The following PXN variants were observed in gnomAD, a reference collection of about 807,000 sequenced individuals.
PXN encodes the protein paxillin.
In PXN, 61 loss-of-function variants were observed where a neutral mutation model predicts 103.6. The ratio of observed to expected loss-of-function variants is 0.59; its 90% CI spans 0.48 to 0.73. PXN has a LOEUF of 0.73. Ranked by LOEUF, PXN falls within the 30% of genes least tolerant of loss-of-function variation. PXN has a pLI of 0.00. For synonymous variants in PXN, 562 were observed against 607.8 expected, an observed-to-expected ratio of 0.92 and a Z score of 1.11; for missense variants, 1,274 against 1,460.3, an observed-to-expected ratio of 0.87 and a Z score of 2.08.
chr12:120,216,156 G>C lies in PXN; in HGVS notation c.2301+117C>G, dbSNP rs1430111788. 42 of 1,267,410 alleles carry C rather than the reference G, an allele frequency of 3.3e-5. No homozygotes were observed. The highest frequency in any genetic ancestry group is 4.2e-5 in the Non-Finnish European group (42 of 1,008,838). 78.5% of individuals were successfully genotyped at this position (1,267,410 alleles called of 1,614,324 possible). On this transcript the variant is annotated intron_variant, in intron 9 of 14. Transcript: ENST00000637617. This position sits in a 1 kb window ranked among gnomAD's most constrained non-coding sequence, Gnocchi z 5.1. ...TGTGGTTACTGTGCTGGGGCTTGTA[G>C]ATGGAGGGATGGAGGGTATCTGTGT... is the stretch of plus-strand genomic sequence containing the variant.
chr12:120,263,489 T>C (rs930301018), intron 1 of PXN, among the ~76,000 whole-genome samples: 7 of 152,118 alleles, frequency 4.6e-5, no homozygotes, highest in Admixed American at 2.0e-4. Flanking sequence ...AAAAAAGTCT[T>C]CTCGGTATAC....
chr12:120,212,778 TC>T lies in PXN; in HGVS notation c.2980-199del. 1.8e-6 allele frequency: 1 copy of T among 555,368 alleles called. No homozygotes were observed. The highest frequency in any genetic ancestry group is 3.0e-6 in the Non-Finnish European group (1 of 331,258). The allele number at this position is 555,368 out of a possible 1,614,324, so 34.4% of individuals were successfully genotyped here. ...TAAATTTTTTTTGTAGAGATGGGGG[TC>T]TCACTATATTGCCCATGCTGGTCAA... On this transcript the variant is annotated intron_variant, in intron 14 of 14. Coordinates refer to ENST00000637617, the MANE Select transcript of PXN (RefSeq NM_001385981.1). The surrounding 1 kb of genome is among the most constrained non-coding windows in gnomAD (Gnocchi z 7.2).
chr12:120,260,313 C>A (rs1044970713), intron 1 of PXN, among the ~76,000 whole-genome samples: 1 of 152,098 alleles, frequency 6.6e-6, no homozygotes, highest in African/African-American at 2.4e-5. Context: ...AGTTCGAGAC[C>A]AGCCTGACCA....
intron 1 of PXN, among the ~76,000 whole-genome samples, chr12:120,252,427 C>T (rs903091449): frequency 1.2e-4 from 19 of 152,054 alleles, no homozygotes; most frequent in Non-Finnish European, 1.5e-5. Context: ...AAAAAGCCTT[C>T]TCAAAAAGGT....
Position 120,216,493 on chromosome 12 carries a change from G to C in PXN, c.2081C>G (p.Thr694Arg). 2.9e-6 allele frequency: 4 copies of C among 1,394,078 alleles called. No individual in the cohort carries two copies. Among genetic ancestry groups the C allele is most frequent in the Non-Finnish European group, 3.7e-6 (4 of 1,083,570 alleles). 86.4% of individuals were successfully genotyped at this position (1,394,078 alleles called of 1,614,324 possible). The change falls in exon 9 of 15, where the codon ACA (threonine) becomes AGA (arginine). Residue 694 changes from threonine to arginine, a missense_variant. By Grantham distance (71) the Thr-to-Arg change is moderately conservative. Transcript: ENST00000637617. This position sits in a 1 kb window ranked among gnomAD's most constrained non-coding sequence, Gnocchi z 5.1. ...SPSVPLLQHR[T>R]DAAASSSSPL... is the part of the protein sequence containing the mutation. ...AGAAGAGCTGCTGGCCGCGGCGTCT[G>C]TGCGATGCTGGAGCAAAGGGACAGA... is the stretch of plus-strand genomic sequence containing the variant.
chr12:120,257,469 T>G (rs997028065), intron 1 of PXN, among the ~76,000 whole-genome samples: 3 of 152,098 alleles, frequency 2.0e-5, no homozygotes, highest in African/African-American at 7.2e-5. Flanking sequence ...CTGACATAGA[T>G]GACATGAGGC....
chr12:120,262,176 C>T (rs1480761677), intron 1 of PXN, among the ~76,000 whole-genome samples: 1 of 152,266 alleles, frequency 6.6e-6, no homozygotes, highest in East Asian at 1.9e-4. Flanking sequence ...AGCACTACCC[C>T]CAAGGACAAT....
intron 1 of PXN, among the ~76,000 whole-genome samples, chr12:120,230,856 C>T (rs1887891377): frequency 6.6e-6 from 1 of 152,176 alleles, no homozygotes; most frequent in Non-Finnish European, 1.5e-5. Context: ...GGACCTAGGG[C>T]CTGGACACTG....
At position 120,224,170 on chromosome 12, in the gene PXN, G is replaced by A. The variant is rs752818425; in HGVS notation, c.221C>T (p.Ser74Phe). 6.3e-6 allele frequency: 10 copies of A among 1,590,666 alleles called. No individual in the cohort carries two copies. The highest frequency in any genetic ancestry group is 4.6e-5 in the East Asian group (2 of 43,950). Reference protein sequence around the residue: ...DPLDQWQPSSSRFIHQQPQSS... With the variant: ...DPLDQWQPSSFRFIHQQPQSS... ...CCTCACCTGCTGGTGGATGAATCGGGAGCTGCTGGGCTGCCACTGGTCTAA... is the reference window on the plus strand; with the variant it reads ...CCTCACCTGCTGGTGGATGAATCGGAAGCTGCTGGGCTGCCACTGGTCTAA... Residue 74 changes from serine to phenylalanine, a missense_variant, in exon 2 of 15, where the codon TCC becomes TTC. Coordinates refer to ENST00000637617, the MANE Select transcript of PXN (RefSeq NM_001385981.1). The surrounding 1 kb of genome is among the most constrained non-coding windows in gnomAD (Gnocchi z 5.0).
At position 120,220,767 on chromosome 12, in the gene PXN, A is replaced by C. The variant is rs1387955168; in HGVS notation, c.832-676T>G. On this transcript the variant is annotated intron_variant, in intron 6 of 14. Transcript: ENST00000637617. This position sits in a 1 kb window ranked among gnomAD's most constrained non-coding sequence, Gnocchi z 6.1. ...AGGCTCAACCCTCCACCCCAGCCAC[A>C]CTCCTGTCTCCCACCATGAAACCTC... 6.6e-6 allele frequency among the ~76,000 whole-genome samples: 1 copy of C among 151,442 alleles called. No homozygotes were observed. The highest frequency in any genetic ancestry group is 1.5e-5 in the Non-Finnish European group (1 of 67,896).
At position 120,228,833 on chromosome 12, in the gene PXN, T is replaced by C. The variant is rs924889361; in HGVS notation, c.14-4456A>G. On this transcript the variant is annotated intron_variant, in intron 1 of 14. Coordinates refer to ENST00000637617, the MANE Select transcript of PXN (RefSeq NM_001385981.1). This position sits in a 1 kb window ranked among gnomAD's most constrained non-coding sequence, Gnocchi z 4.7. The stretch of plus-strand genomic sequence containing the variant: ...CCTATCTGCACCCCATGGCTGCACC[T>C]GGTCGGAGCAACAGCATGGAACAGC... Among the ~76,000 whole-genome samples the C allele has an allele frequency of 6.6e-6, 1 of 152,208 alleles. No individual in the cohort carries two copies. Among genetic ancestry groups the C allele is most frequent in the Admixed American group, 6.5e-5 (1 of 15,286 alleles).
At position 120,211,595 on chromosome 12, in the gene PXN, T is replaced by C; in HGVS notation, c.*719A>G. 1 of 229,106 alleles carries C rather than the reference T, an allele frequency of 4.4e-6. No individual in the cohort carries two copies. The highest frequency in any genetic ancestry group is 6.0e-5 in the South Asian group (1 of 16,802). 14.2% of individuals were successfully genotyped at this position (229,106 alleles called of 1,614,324 possible). A position where few individuals can be genotyped will look rare whatever the true frequency, so the allele number is the denominator to read the frequency against. Reference sequence around the variant, plus strand: ...CAGGCGATATGAATTCAAACCTCAGTGTAGAAATCTATCAAAGTCGGTACA... The same window carrying C: ...CAGGCGATATGAATTCAAACCTCAGCGTAGAAATCTATCAAAGTCGGTACA... On this transcript the variant is annotated 3_prime_UTR_variant, in exon 15 of 15. Transcript: ENST00000637617.
intron 1 of PXN, among the ~76,000 whole-genome samples, chr12:120,263,153 G>A (rs1285112864): frequency 6.6e-6 from 1 of 151,592 alleles, no homozygotes; most frequent in African/African-American, 2.4e-5. Flanking sequence ...AAAACAAGAG[G>A]TCTGGGCTTT....
In PXN at chr12:120,216,182, ATGTG is replaced by A. The variant is rs1365586328; in HGVS notation, c.2301+87_2301+90del. The A allele has an allele frequency of 3.1e-6, 4 of 1,274,234 alleles. No homozygotes were observed. The highest frequency in any genetic ancestry group is 7.7e-5 in the Admixed American group (2 of 26,028). The allele number at this position is 1,274,234 out of a possible 1,614,324, so 78.9% of individuals were successfully genotyped here. A position where few individuals can be genotyped will look rare whatever the true frequency, so the allele number is the denominator to read the frequency against. The stretch of plus-strand genomic sequence containing the variant: ...ATGGAGGGATGGAGGGTATCTGTGT[ATGTG>A]TGTGTGCACGTGTGTGTGTGCAGAG... On this transcript the variant is annotated intron_variant, in intron 9 of 14. Transcript: ENST00000637617. The surrounding 1 kb of genome is among the most constrained non-coding windows in gnomAD (Gnocchi z 5.1).
rs1883541596 is a variant in PXN, at chr12:120,217,462, C to T, written c.1717-346G>A. Among the ~76,000 whole-genome samples the T allele has an allele frequency of 6.6e-6, 1 of 152,224 alleles. No individual in the cohort carries two copies. The highest frequency in any genetic ancestry group is 2.1e-4 in the South Asian group (1 of 4,832). ...GGAACCACAAGATTTTCTTGGCTTA[C>T]CGCACAGGGTTTGCACAAGAATTAT... On this transcript the variant is annotated intron_variant, in intron 7 of 14. Coordinates refer to ENST00000637617, the MANE Select transcript of PXN (RefSeq NM_001385981.1). The surrounding 1 kb of genome is among the most constrained non-coding windows in gnomAD (Gnocchi z 4.1).
At position 120,219,906 on chromosome 12, in the gene PXN, G is replaced by A. The variant is rs540674786; in HGVS notation, c.1017C>T (p.Gly339=). ...AGCTGGGGGCTACAGGAGGTAGAAG[G>A]CCTCGTCCACTCTGCTCAGTACAAG... ...EFPCTEQSGR[G]LLPPVAPSWL... is the part of the protein sequence containing the mutation. The change falls in exon 7 of 15, where the codon GGC becomes GGT. Residue 339 remains glycine, a synonymous_variant. Transcript: ENST00000637617. The surrounding 1 kb of genome is among the most constrained non-coding windows in gnomAD (Gnocchi z 6.5). 1.3e-6 allele frequency: 2 copies of A among 1,598,312 alleles called. No individual in the cohort carries two copies. The highest frequency in any genetic ancestry group is 1.3e-5 in the African/African-American group (1 of 75,066).
Position 120,215,018 on chromosome 12 carries a change from C to A in PXN, c.2575-20G>T, listed in dbSNP as rs1020642317. 6.2e-7 allele frequency: 1 copy of A among 1,610,036 alleles called. No individual in the cohort carries two copies. The highest frequency in any genetic ancestry group is 1.3e-5 in the African/African-American group (1 of 74,822). On this transcript the variant is annotated intron_variant, in intron 11 of 14. Transcript: ENST00000637617. This position sits in a 1 kb window ranked among gnomAD's most constrained non-coding sequence, Gnocchi z 4.9. ...CACAACCTGAGGAGGAGATGGAATG[C>A]GGTCCAGGGCCAAGGCCAGCCCCGG...
intron 1 of PXN, among the ~76,000 whole-genome samples, chr12:120,244,490 C>G (rs1890702768): frequency 6.6e-6 from 1 of 151,422 alleles, no homozygotes; most frequent in South Asian, 2.1e-4. Flanking sequence ...ACTAAAAATA[C>G]AAAAAAAATT....
At position 120,222,815 on chromosome 12, in the gene PXN, G is replaced by C; in HGVS notation, c.493+48C>G. 6.2e-7 allele frequency: 1 copy of C among 1,607,174 alleles called. No individual in the cohort carries two copies. On this transcript the variant is annotated intron_variant, in intron 4 of 14. Coordinates refer to ENST00000637617, the MANE Select transcript of PXN (RefSeq NM_001385981.1). This position sits in a 1 kb window ranked among gnomAD's most constrained non-coding sequence, Gnocchi z 4.7. ...CCCTCCTGGGATCTAGAGGTCAGCA[G>C]ATGGGCCCTGGGCCCTGGTAGACCC...
Sources: gnomAD v4.1 joint callset for allele counts (sites outside exome capture counted in the v4.1 genomes callset) on GRCh38, gnomAD v4.1.1 for gene constraint, Gnocchi (gnomAD v3.1) non-coding constraint, MANE v1.5 for transcripts, NCBI Gene and HGNC (gene_info 2026-07-23, HGNC 2026-07-21) for gene names.